ROCK1: variants seen among roughly 807,000 people sequenced by gnomAD.
ROCK1 encodes Rho associated coiled-coil containing protein kinase 1.
Under a neutral mutation model 196.8 loss-of-function variants are expected in ROCK1, and 36 were observed. The ratio of observed to expected loss-of-function variants is 0.18; its 90% CI spans 0.14 to 0.24. The LOEUF is 0.24. Among genes scored for constraint, ROCK1 ranks in the 10% least tolerant of loss-of-function variants. The probability of loss-of-function intolerance (pLI) is 1.00; values close to 1 mark genes in which losing one functional copy is unlikely to be tolerated. For missense variants in ROCK1, 920 were observed against 1,562.0 expected (o/e 0.59, Z 6.93); for synonymous variants, 443 against 515.9 (o/e 0.86, Z 1.91).
At chr18:21,047,240 G>T (rs1408547376) in intron 4 of ROCK1, among the ~76,000 whole-genome samples, 1 of 152,134 alleles carries the variant, frequency 6.6e-6, no homozygotes, top group Non-Finnish European at 1.5e-5. Flanking sequence ...GAACGTTCAT[G>T]TATCAGTGGT....
chr18:20,960,739 T>C (rs1038746918), intron 27 of ROCK1: 2 of 152,164 alleles, frequency 1.3e-5, no homozygotes, highest in Non-Finnish European at 2.9e-5. Context: ...GAGACAAGTA[T>C]TTTATTTGTT....
chr18:21,068,605 T>C (rs564514074), intron 2 of ROCK1, among the ~76,000 whole-genome samples: 3 of 152,330 alleles, frequency 2.0e-5, no homozygotes, highest in South Asian at 2.1e-4. Flanking sequence ...TCCATGAACA[T>C]TGAATATCTT....
rs747273665 is a variant in ROCK1 at position 20,959,896 on chromosome 18, G to A, written c.3456C>T (p.Phe1152=). 1 of 1,610,510 alleles carries A rather than the reference G, an allele frequency of 6.2e-7. No individual in the cohort carries two copies. The highest frequency in any genetic ancestry group is 8.5e-7 in the Non-Finnish European group (1 of 1,177,850). Residue 1152 remains phenylalanine, a synonymous_variant, in exon 29 of 33, where the codon TTC becomes TTT. Transcript: ENST00000399799. ...GCTCCTTATCTTGTTCGTCATTATA[G>A]AACAAAATTTTTTTGCTGCTTACCA... The part of the protein sequence containing the change: ...YVVVSSKKIL[F]YNDEQDKEQS...
intron 27 of ROCK1, among the ~76,000 whole-genome samples, chr18:20,963,594 C>T (rs1377789107): frequency 6.6e-6 from 1 of 151,878 alleles, no homozygotes; most frequent in East Asian, 1.9e-4. Flanking sequence ...GGGTATGATA[C>T]AAATAATCCA....
Position 21,091,986 on chromosome 18 carries a change from T to C in ROCK1, c.93+18832A>G, listed in dbSNP as rs575938381. ...CAGAGCGAGACGCTGTCTCAAAAAA[T>C]AAATAAAATAAAAAACTGTTAAATT... On this transcript the variant is annotated intron_variant, in intron 1 of 32. Transcript: ENST00000399799. Among the ~76,000 whole-genome samples, 5 of 151,960 alleles carry C rather than the reference T, an allele frequency of 3.3e-5. No individual in the cohort carries two copies. In the East Asian group the frequency reaches 9.7e-4, roughly 29 times the overall value.
chr18:21,075,367 T>A (rs981724134), intron 1 of ROCK1, among the ~76,000 whole-genome samples: 1 of 152,158 alleles, frequency 6.6e-6, no homozygotes, highest in Non-Finnish European at 1.5e-5. Flanking sequence ...TTCAAGTTGA[T>A]GTGAGTAGAC....
intron 22 of ROCK1, among the ~76,000 whole-genome samples, chr18:20,971,697 TAAATAAATA>T (rs1347172198): frequency 6.9e-6 from 1 of 144,328 alleles, no homozygotes; most frequent in Non-Finnish European, 1.5e-5. Context: ...AATAAATAAA[TAAATAAATA>T]AATAAATAAA....
At chr18:21,110,488 G>A (rs2036741103) in intron 1 of ROCK1, among the ~76,000 whole-genome samples, 1 of 152,120 alleles carries the variant, frequency 6.6e-6, no homozygotes, top group South Asian at 2.1e-4. Flanking sequence ...TACTACGATC[G>A]CCATTCAACA....
At chr18:21,031,400 C>T (rs1598535499) in intron 9 of ROCK1, among the ~76,000 whole-genome samples, 1 of 151,788 alleles carries the variant, frequency 6.6e-6, no homozygotes, top group East Asian at 1.9e-4. Flanking sequence ...GTCAGGAGAT[C>T]GAGACCATCC....
At chr18:21,076,577 A>G (rs1254215660) in intron 1 of ROCK1, among the ~76,000 whole-genome samples, 3 of 152,050 alleles carry the variant, frequency 2.0e-5, no homozygotes, top group Non-Finnish European at 2.9e-5. Flanking sequence ...TACACACATA[A>G]AAATTTTTGT....
intron 1 of ROCK1, among the ~76,000 whole-genome samples, chr18:21,105,758 A>G (rs949861041): frequency 1.3e-5 from 2 of 152,238 alleles, no homozygotes; most frequent in African/African-American, 4.8e-5. Context: ...AAATGCTTAC[A>G]AGGCAGTCAG....
chr18:21,020,290 A>G, intron 11 of ROCK1, 51 bp from the exon 12 acceptor site: 1 of 941,750 alleles, frequency 1.1e-6, no homozygotes, highest in East Asian at 2.7e-5. Context: ...ATATTTAGAC[A>G]TTTAAAAATA....
chr18:21,051,634 CA>C (rs1280694834), intron 2 of ROCK1, among the ~76,000 whole-genome samples: 1 of 152,112 alleles, frequency 6.6e-6, no homozygotes, highest in African/African-American at 2.4e-5. Context: ...CCAGTAGTTA[CA>C]GTAATAAAAC....
chr18:21,018,718 AATCT>A (rs770644903), intron 12 of ROCK1, among the ~76,000 whole-genome samples: 9 of 152,222 alleles, frequency 5.9e-5, no homozygotes, highest in Admixed American at 3.3e-4. Flanking sequence ...TTAACCACAT[AATCT>A]ATCAGGAATG....
intron 1 of ROCK1, among the ~76,000 whole-genome samples, chr18:21,105,938 T>C (rs1368477800): frequency 6.6e-6 from 1 of 152,042 alleles, no homozygotes; most frequent in African/African-American, 2.4e-5. Context: ...AATGAAAAGA[T>C]GGGAAAGCAC....
chr18:20,986,774 A>C (rs2143397781), intron 19 of ROCK1, among the ~76,000 whole-genome samples, 176 bp downstream of exon 19: 1 of 152,334 alleles, frequency 6.6e-6, no homozygotes, highest in Non-Finnish European at 1.5e-5. Flanking sequence ...TTCAATAACT[A>C]TTTGAAGAGG....
intron 9 of ROCK1, among the ~76,000 whole-genome samples, chr18:21,032,930 C>G (rs1233176945): frequency 6.6e-6 from 1 of 152,112 alleles, no homozygotes; most frequent in Non-Finnish European, 1.5e-5. Context: ...GCCATAGTGG[C>G]TCACACCTGT....
At chr18:21,061,253 A>G (rs1411169849) in intron 2 of ROCK1, among the ~76,000 whole-genome samples, 1 of 151,708 alleles carries the variant, frequency 6.6e-6, no homozygotes, top group African/African-American at 2.4e-5. Context: ...TAATTTTCGT[A>G]TTTTTTAATA....
chr18:20,973,347 G>A (rs762639080), intron 22 of ROCK1, among the ~76,000 whole-genome samples: 4 of 151,858 alleles, frequency 2.6e-5, no homozygotes, highest in Admixed American at 6.6e-5. Context: ...GCGCAATCTC[G>A]GCACACTGCA....
Sources: gnomAD v4.1 joint callset for allele counts (sites outside exome capture counted in the v4.1 genomes callset) on GRCh38, gnomAD v4.1.1 for gene constraint, MANE v1.5 for transcripts, NCBI Gene and HGNC (gene_info 2026-07-23, HGNC 2026-07-21) for gene names.